FGF12: variants seen among roughly 807,000 people sequenced by gnomAD.
FGF12 encodes the protein fibroblast growth factor 12B.
A neutral mutation model predicts 23.6 loss-of-function variants in FGF12; 14 were observed. The observed-to-expected ratio is 0.59, with a 90% CI of 0.39 to 0.93. The LOEUF (loss-of-function observed/expected upper bound fraction) is 0.93, where lower values mean the gene tolerates loss of function less well. FGF12 is among the 40% of genes least tolerant of loss of function. FGF12 has a pLI of 0.00. For synonymous variants in FGF12, 62 were observed against 77.3 expected (o/e 0.80, Z 1.04); for missense variants, 175 against 217.8 (o/e 0.80, Z 1.24).
intron 4 of FGF12, among the ~76,000 whole-genome samples, chr3:192,191,410 C>T (rs1466906637): frequency 6.6e-6 from 1 of 152,128 alleles, no homozygotes; most frequent in Non-Finnish European, 1.5e-5. Context: ...CAGGGTCATA[C>T]ATTGTAACTA....
At chr3:192,362,311 A>C (rs1327499367) in intron 2 of FGF12, among the ~76,000 whole-genome samples, 1 of 152,170 alleles carries the variant, frequency 6.6e-6, no homozygotes, top group East Asian at 1.9e-4. Flanking sequence ...ATATGTATAC[A>C]TGTGCCATGC....
At position 192,412,207 on chromosome 3, in the gene FGF12, G is replaced by A. The variant is rs1024987995; in HGVS notation, c.14-51669C>T. Among the ~76,000 whole-genome samples, 7 of 152,154 alleles carry A rather than the reference G, an allele frequency of 4.6e-5. 1 individual carries two copies. The highest frequency in any genetic ancestry group is 3.3e-4 in the Admixed American group (5 of 15,280). On this transcript the variant is annotated intron_variant, in intron 2 of 5. Coordinates refer to ENST00000445105, the MANE Select transcript of FGF12 (RefSeq NM_004113.6). ...CTGCAGTCCTGTGCACCGCCACCCT[G>A]CGCCCCCTATAAAAGGCCTGGAAAG...
chr3:192,585,333 T>C (rs1713329621), intron 2 of FGF12, among the ~76,000 whole-genome samples: 1 of 152,188 alleles, frequency 6.6e-6, no homozygotes, highest in Non-Finnish European at 1.5e-5. Context: ...CTTTATATGT[T>C]CTACCATATA....
chr3:192,481,515 T>C (rs1473225291), intron 2 of FGF12, among the ~76,000 whole-genome samples: 2 of 152,194 alleles, frequency 1.3e-5, no homozygotes, highest in South Asian at 4.1e-4. Context: ...ACTAGGTCTA[T>C]ACCAATCAAT....
intron 4 of FGF12, among the ~76,000 whole-genome samples, chr3:192,196,121 CT>C (rs890526918): frequency 2.0e-5 from 3 of 152,084 alleles, no homozygotes; most frequent in Non-Finnish European, 4.4e-5. Context: ...ATTTGTTTTT[CT>C]GTGTCTAGCT....
intron 2 of FGF12, among the ~76,000 whole-genome samples, chr3:192,534,655 G>A (rs1032305380): frequency 6.6e-6 from 1 of 152,150 alleles, no homozygotes; most frequent in Non-Finnish European, 1.5e-5. Context: ...GCCTCCCAAA[G>A]TGCTGGGATT....
At position 192,499,516 on chromosome 3, in the gene FGF12, A is replaced by ATTT. The variant is rs71177364; in HGVS notation, c.14-138981_14-138979dup. Among the ~76,000 whole-genome samples, 5 of 38,872 alleles carry ATTT rather than the reference A, an allele frequency of 1.3e-4. 1 individual carries two copies. The highest frequency in any genetic ancestry group is 9.5e-4 in the East Asian group (1 of 1,054). 25.5% of individuals were successfully genotyped at this position (38,872 alleles called of 152,430 possible). ...TCCATATATATATATATATATATATATTTTTTTTTTTTTTTTTTTTTTTTT... is the reference window on the plus strand; with the variant it reads ...TCCATATATATATATATATATATATATTTTTTTTTTTTTTTTTTTTTTTTTTTT... On this transcript the variant is annotated intron_variant, in intron 2 of 5. Coordinates refer to ENST00000445105, the MANE Select transcript of FGF12 (RefSeq NM_004113.6).
At chr3:192,406,282 T>A (rs922618951) in intron 2 of FGF12, among the ~76,000 whole-genome samples, 1 of 151,828 alleles carries the variant, frequency 6.6e-6, no homozygotes, top group African/African-American at 2.4e-5. Flanking sequence ...CCCGTTCACA[T>A]ATATCCACCT....
intron 2 of FGF12, among the ~76,000 whole-genome samples, chr3:192,387,334 G>A (rs904093135): frequency 6.6e-6 from 1 of 152,012 alleles, no homozygotes; most frequent in Non-Finnish European, 1.5e-5. Flanking sequence ...AAATTTTAAG[G>A]TTTAGATAAA....
chr3:192,201,498 C>T (rs1238744783), intron 4 of FGF12, among the ~76,000 whole-genome samples: 1 of 152,122 alleles, frequency 6.6e-6, no homozygotes, highest in African/African-American at 2.4e-5. Flanking sequence ...TTATCCTCAC[C>T]ACATCTCCAT....
chr3:192,155,882 C>T (rs1714385111), intron 5 of FGF12, among the ~76,000 whole-genome samples: 1 of 152,214 alleles, frequency 6.6e-6, no homozygotes, highest in Non-Finnish European at 1.5e-5. Context: ...TTAAGTTTCT[C>T]TCTTCCTAAT....
Position 192,634,292 on chromosome 3 carries a change from G to A in FGF12, c.13+92889C>T, listed in dbSNP as rs116800613. 8.0e-3 allele frequency among the ~76,000 whole-genome samples: 1,212 copies of A among 151,310 alleles called. 12 individuals carry two copies. Among genetic ancestry groups the A allele is most frequent in the African/African-American group, 0.028 (1,152 of 41,202 alleles). ...CCATGGATTCAACCAAATGCAGATC[G>A]AAAATATCCAAAAAATAAAATTAAA... On this transcript the variant is annotated intron_variant, in intron 2 of 5. Transcript: ENST00000445105.
chr3:192,542,534 T>C (rs1248536838), intron 2 of FGF12, among the ~76,000 whole-genome samples: 2 of 152,200 alleles, frequency 1.3e-5, no homozygotes, highest in Non-Finnish European at 2.9e-5. Flanking sequence ...GAGGTCATAT[T>C]TTCCTGGATA....
intron 3 of FGF12, among the ~76,000 whole-genome samples, chr3:192,348,473 A>C (rs1718064401): frequency 6.6e-6 from 1 of 152,162 alleles, no homozygotes; most frequent in Non-Finnish European, 1.5e-5. Flanking sequence ...ATCTCTAAAA[A>C]ATGTTTTAAT....
chr3:192,520,212 C>G (rs185479253), intron 2 of FGF12, among the ~76,000 whole-genome samples: 1 of 152,154 alleles, frequency 6.6e-6, no homozygotes, highest in Non-Finnish European at 1.5e-5. Context: ...TAGATAGATT[C>G]TGATATATCA....
intron 2 of FGF12, among the ~76,000 whole-genome samples, chr3:192,660,584 A>C (rs534529250): frequency 6.6e-6 from 1 of 152,256 alleles, no homozygotes; most frequent in East Asian, 1.9e-4. Context: ...GAAGATAGGA[A>C]GAGCTCTGAC....
rs2108569919 is a variant in FGF12 at position 192,139,548 on chromosome 3, T to C, written c.*4461A>G. The C allele has an allele frequency of 6.6e-6, 1 of 152,244 alleles. No individual in the cohort carries two copies. The highest frequency in any genetic ancestry group is 1.5e-5 in the Non-Finnish European group (1 of 67,966). 9.4% of individuals were successfully genotyped at this position (152,244 alleles called of 1,614,324 possible). On this transcript the variant is annotated 3_prime_UTR_variant, in exon 6 of 6. Coordinates refer to ENST00000445105, the MANE Select transcript of FGF12 (RefSeq NM_004113.6). ...CCAATTCTAGCCATGGGAGTATGTT[T>C]TGGACTTTTTGAACAATTTTAAGTA...
intron 4 of FGF12, among the ~76,000 whole-genome samples, chr3:192,318,101 T>A (rs1484022115): frequency 6.6e-6 from 1 of 152,128 alleles, no homozygotes; most frequent in African/African-American, 2.4e-5. Context: ...CAAGTCCTTT[T>A]GAATGCTTGC....
At chr3:192,447,449 G>C (rs565689239) in intron 2 of FGF12, among the ~76,000 whole-genome samples, 1 of 152,170 alleles carries the variant, frequency 6.6e-6, no homozygotes, top group Non-Finnish European at 1.5e-5. Context: ...GTTTATTGCA[G>C]GAAATCTGAA....
Sources: allele counts gnomAD v4.1 joint callset (sites outside exome capture counted in the v4.1 genomes callset), GRCh38; gene constraint gnomAD v4.1.1; transcripts MANE v1.5; gene names NCBI Gene and HGNC (gene_info 2026-07-23, HGNC 2026-07-21).